Variants in PSMD1 observed in about 807,000 individuals in gnomAD.
The protein encoded by PSMD1 is proteasome 26S subunit, non-ATPase 1.
In PSMD1, 18 loss-of-function variants were observed where a neutral mutation model predicts 119.0. The observed-to-expected ratio is 0.15, with a 90% CI of 0.10 to 0.22. The LOEUF (loss-of-function observed/expected upper bound fraction) is 0.22, where lower values mean the gene tolerates loss of function less well. Ranked by LOEUF, PSMD1 falls within the 10% of genes least tolerant of loss-of-function variation. The pLI is 1.00. For missense variants in PSMD1, 702 were observed against 1,158.5 expected, an observed-to-expected ratio of 0.61 and a Z score of 5.72; for synonymous variants, 374 against 396.6, an observed-to-expected ratio of 0.94 and a Z score of 0.68.
At chr2:231,127,114 A>G (rs1695742502) in intron 16 of PSMD1, among the ~76,000 whole-genome samples, 2 of 152,120 alleles carry the variant, frequency 1.3e-5, no homozygotes, top group Admixed American at 1.3e-4. Context: ...ACATGGTGGT[A>G]GATGTAGATA....
intron 16 of PSMD1, among the ~76,000 whole-genome samples, chr2:231,102,013 T>G (rs759564553): frequency 2.6e-5 from 4 of 152,180 alleles, no homozygotes; most frequent in Non-Finnish European, 4.4e-5. Context: ...AAAGACAGTG[T>G]CTCACTGTGT....
rs1221445666 is a variant in PSMD1, at chr2:231,131,533, C to A, written c.1884-7203C>A. Among the ~76,000 whole-genome samples the A allele has an allele frequency of 1.1e-4, 5 of 46,592 alleles. 2 individuals carry two copies. The African/African-American group carries it at 2.4e-3, about 22-fold the overall frequency. 30.6% of individuals were successfully genotyped at this position (46,592 alleles called of 152,430 possible). On this transcript the variant is annotated intron_variant, in intron 16 of 24. Transcript: ENST00000308696. ...ATCCCAGCACTTTGGGAGGCCGAGG[C>A]GGGCGGATCACGAGGTCAGGAGATC...
rs115181978 is a variant in PSMD1 at position 231,101,532 on chromosome 2, G to C, written c.1883+14351G>C. The stretch of plus-strand genomic sequence containing the variant: ...AAAGTTAGTTGATAGAGTAGCAGCA[G>C]AGTTAAGAGAGGATTGACTACACTT... On this transcript the variant is annotated intron_variant, in intron 16 of 24. Coordinates refer to ENST00000308696, the MANE Select transcript of PSMD1 (RefSeq NM_002807.4). 9.9e-3 allele frequency among the ~76,000 whole-genome samples: 1,508 copies of C among 152,338 alleles called. 14 individuals are homozygous for C. Among genetic ancestry groups the C allele is most frequent in the Middle Eastern group, 0.017 (5 of 294 alleles).
At position 231,077,147 on chromosome 2, in the gene PSMD1, T is replaced by C. The variant is rs1417251714; in HGVS notation, c.1056T>C (p.Ile352=). 1 of 1,530,986 alleles carries C rather than the reference T, an allele frequency of 6.5e-7. No individual in the cohort carries two copies. Among genetic ancestry groups the C allele is most frequent in the Non-Finnish European group, 8.8e-7 (1 of 1,135,050 alleles). 94.8% of individuals were successfully genotyped at this position (1,530,986 alleles called of 1,614,324 possible). A position where few individuals can be genotyped will look rare whatever the true frequency, so the allele number is the denominator to read the frequency against. ...LIRNNNTDLM[I]LKNTKDAVRN... is the part of the protein sequence containing the mutation. ...GAAACAATAATACAGACCTCATGATTCTAAAAAACACAAAGGTAAGAAATT... is the reference window on the plus strand; with the variant it reads ...GAAACAATAATACAGACCTCATGATCCTAAAAAACACAAAGGTAAGAAATT... Residue 352 remains isoleucine, a synonymous_variant, in exon 9 of 25, where the codon ATT becomes ATC. Coordinates refer to ENST00000308696, the MANE Select transcript of PSMD1 (RefSeq NM_002807.4).
chr2:231,128,069 C>A (rs1332934626), intron 16 of PSMD1, among the ~76,000 whole-genome samples: 1 of 152,142 alleles, frequency 6.6e-6, no homozygotes, highest in Non-Finnish European at 1.5e-5. Context: ...CTTTATAGGT[C>A]TAGGAAGACA....
At chr2:231,063,385 C>G (rs1693806935) in intron 4 of PSMD1, among the ~76,000 whole-genome samples, 1 of 152,200 alleles carries the variant, frequency 6.6e-6, no homozygotes, top group Non-Finnish European at 1.5e-5. Context: ...ACTGCATACC[C>G]TTCAGACATG....
intron 16 of PSMD1, among the ~76,000 whole-genome samples, chr2:231,119,452 G>A (rs762035309): frequency 6.6e-6 from 1 of 152,098 alleles, no homozygotes; most frequent in Non-Finnish European, 1.5e-5. Context: ...GATCCAACAC[G>A]GGAGAACCAG....
At chr2:231,171,549 ATTTTTTTTTTTTT>A (rs568576394) in intron 24 of PSMD1, among the ~76,000 whole-genome samples, 2 of 117,274 alleles carry the variant, frequency 1.7e-5, no homozygotes, top group Non-Finnish European at 3.5e-5. Context: ...TTTTCAGACA[ATTTTTTTTTTTTT>A]TTTTTTTTTT....
intron 4 of PSMD1, among the ~76,000 whole-genome samples, chr2:231,066,595 C>T (rs1001166903): frequency 1.3e-5 from 2 of 152,054 alleles, no homozygotes; most frequent in Non-Finnish European, 2.9e-5. Flanking sequence ...CTCAGGCTGG[C>T]GTTGAACTCC....
intron 16 of PSMD1, chr2:231,109,521 T>C (rs547584557): frequency 1.8e-5 from 16 of 907,752 alleles, no homozygotes; most frequent in Non-Finnish European, 2.8e-5. Flanking sequence ...GCATTATAAT[T>C]CCTGGGACCC....
intron 6 of PSMD1, among the ~76,000 whole-genome samples, chr2:231,070,921 CCTCTAGA>C (rs1391573191): frequency 2.0e-5 from 3 of 151,992 alleles, no homozygotes; most frequent in Admixed American, 2.0e-4. Flanking sequence ...GTATTTTAAT[CCTCTAGA>C]CTTTGAAAAT....
chr2:231,080,699 A>G (rs1694288420), intron 12 of PSMD1, among the ~76,000 whole-genome samples: 2 of 152,198 alleles, frequency 1.3e-5, no homozygotes, highest in Non-Finnish European at 2.9e-5. Flanking sequence ...TTTAAAATGT[A>G]AATCTTTTGG....
intron 16 of PSMD1, among the ~76,000 whole-genome samples, chr2:231,091,327 G>A (rs563818508): frequency 1.3e-5 from 2 of 152,214 alleles, no homozygotes; most frequent in South Asian, 2.1e-4. Context: ...TGTAACCCTT[G>A]CTCTTAAGAG....
At chr2:231,086,151 C>T (rs926388048) in intron 15 of PSMD1, among the ~76,000 whole-genome samples, 5 of 152,088 alleles carry the variant, frequency 3.3e-5, no homozygotes, top group African/African-American at 1.2e-4. Context: ...AGTGATCCTC[C>T]TCCTACCTCA....
At chr2:231,143,082 C>G (rs944887573) in intron 17 of PSMD1, among the ~76,000 whole-genome samples, 1 of 152,000 alleles carries the variant, frequency 6.6e-6, no homozygotes, top group Non-Finnish European at 1.5e-5. Context: ...TTTATACCTA[C>G]CTAAGGACCT....
chr2:231,140,152 C>G (rs914512965), intron 17 of PSMD1, among the ~76,000 whole-genome samples: 2 of 152,074 alleles, frequency 1.3e-5, no homozygotes, highest in Non-Finnish European at 2.9e-5. Flanking sequence ...TGGACTGATT[C>G]CAGGAATCTA....
chr2:231,123,763 A>G (rs1162995939), intron 16 of PSMD1: 32 of 1,611,984 alleles, frequency 2.0e-5, no homozygotes, highest in Non-Finnish European at 2.7e-5. Flanking sequence ...AGAGAGAGCC[A>G]TTTGCTGTTT....
At chr2:231,084,240 T>G (rs1694380629) in intron 14 of PSMD1, among the ~76,000 whole-genome samples, 1 of 152,110 alleles carries the variant, frequency 6.6e-6, no homozygotes, top group Non-Finnish European at 1.5e-5. Flanking sequence ...TAATCCCAGC[T>G]ACTTGGGAGC....
chr2:231,109,464 G>T (rs1024019911), intron 16 of PSMD1: 9 of 1,423,614 alleles, frequency 6.3e-6, no homozygotes, highest in Non-Finnish European at 8.9e-6. Flanking sequence ...GTAACTCTTC[G>T]ATTAGATCCT....
Sources: gnomAD v4.1 joint callset for allele counts (sites outside exome capture counted in the v4.1 genomes callset) on GRCh38, gnomAD v4.1.1 for gene constraint, MANE v1.5 for transcripts, NCBI Gene and HGNC (gene_info 2026-07-23, HGNC 2026-07-21) for gene names.